C16orf95: variants seen among roughly 807,000 people sequenced by gnomAD.
C16orf95 encodes chromosome 16 open reading frame 95.
In C16orf95, 41 loss-of-function variants were observed where a neutral mutation model predicts 32.1. That is an observed-to-expected ratio of 1.28 (90% CI 1.00 to 1.66). The LOEUF (loss-of-function observed/expected upper bound fraction) is 1.66. Among genes scored for constraint, C16orf95 ranks in the 40% most tolerant of loss-of-function variants. The pLI is 0.00. For synonymous variants in C16orf95, 147 were observed against 128.9 expected, an observed-to-expected ratio of 1.14 and a Z score of -0.95; for missense variants, 399 against 325.9, an observed-to-expected ratio of 1.22 and a Z score of -1.73.
intron 5 of C16orf95, among the ~76,000 whole-genome samples, chr16:87,308,147 T>C (rs935143178): frequency 1.3e-5 from 2 of 152,150 alleles, no homozygotes; most frequent in Non-Finnish European, 2.9e-5. Flanking sequence ...AGAGTGTTTT[T>C]CTGCTAGAGC....
At chr16:87,310,258 G>T (rs1315952287) in intron 5 of C16orf95, 39 bp downstream of exon 5, 18 of 1,533,804 alleles carry the variant, frequency 1.2e-5, no homozygotes, top group Non-Finnish European at 1.6e-5. Context: ...ACCTTTCTGG[G>T]GAGGGGGATG....
At chr16:87,304,463 G>A (rs547383137) in intron 6 of C16orf95, among the ~76,000 whole-genome samples, 2 of 152,060 alleles carry the variant, frequency 1.3e-5, no homozygotes, top group East Asian at 3.9e-4. Flanking sequence ...GTACAAAGGA[G>A]TCAAACTAAA....
intron 3 of C16orf95, among the ~76,000 whole-genome samples, chr16:87,313,717 G>C (rs989992813): frequency 5.3e-5 from 8 of 152,122 alleles, no homozygotes; most frequent in Non-Finnish European, 8.8e-5. Flanking sequence ...AACAGAGTGA[G>C]GCCCGGTCTC....
At chr16:87,311,406 T>A in intron 3 of C16orf95, 110 bp from the exon 4 acceptor site, 1 of 1,192,606 alleles carries the variant, frequency 8.4e-7, no homozygotes, top group Non-Finnish European at 1.2e-6. Flanking sequence ...TGGGTCTTAG[T>A]ATCAGGGCAG....
rs774079248 is a variant in C16orf95 at position 87,311,058 on chromosome 16, G to C, written c.477+92C>G. 4.1e-6 allele frequency: 5 copies of C among 1,230,058 alleles called. No homozygotes were observed. The South Asian group carries it at 8.8e-5, about 22-fold the overall frequency. 76.2% of individuals were successfully genotyped at this position (1,230,058 alleles called of 1,614,324 possible). A position where few individuals can be genotyped will look rare whatever the true frequency, so the allele number is the denominator to read the frequency against. On this transcript the variant is annotated intron_variant, in intron 4 of 6. Coordinates refer to ENST00000567970, the MANE Select transcript of C16orf95 (RefSeq NM_001195124.3). ...AGGCCTTTGTGGGAGCAGAGCCCAG[G>C]TACCCCTCTTCCCCTTCTTCCTCCC...
intron 1 of C16orf95, 32 bp downstream of exon 1, chr16:87,317,059 G>T: frequency 6.8e-7 from 1 of 1,478,482 alleles, no homozygotes; most frequent in South Asian, 1.3e-5. Context: ...GAGGTGTCGG[G>T]TAGCCGCGGG....
chr16:87,315,304 C>G (rs1345177841), intron 2 of C16orf95, among the ~76,000 whole-genome samples: 1 of 152,184 alleles, frequency 6.6e-6, no homozygotes, highest in Non-Finnish European at 1.5e-5. Context: ...CCGGAGCTTG[C>G]AAATCAGGTG....
intron 3 of C16orf95, among the ~76,000 whole-genome samples, chr16:87,313,037 T>C (rs889962101): frequency 2.6e-5 from 4 of 152,026 alleles, no homozygotes; most frequent in Non-Finnish European, 5.9e-5. Flanking sequence ...TAAATAAACA[T>C]AGAAATGTAT....
At chr16:87,304,776 C>G (rs778395022) in intron 6 of C16orf95, among the ~76,000 whole-genome samples, 1 of 152,252 alleles carries the variant, frequency 6.6e-6, no homozygotes, top group African/African-American at 2.4e-5. Context: ...CCCGCTCCCG[C>G]TCCCAGCCGT....
At chr16:87,303,322 G>C (rs1910850884) in intron 6 of C16orf95, 1 of 523,712 alleles carries the variant, frequency 1.9e-6, no homozygotes, top group Non-Finnish European at 3.5e-6. Context: ...CTTCTGAAAA[G>C]GGATGATAAT....
In C16orf95 at chr16:87,314,636, A is replaced by C. The variant is rs184805018; in HGVS notation, c.330+335T>G. Reference sequence around the variant, plus strand: ...CCTACGGCAAGACTTACCACATTGTACATTTGACACACGTGCAGTTTATCA... The same window carrying C: ...CCTACGGCAAGACTTACCACATTGTCCATTTGACACACGTGCAGTTTATCA... On this transcript the variant is annotated intron_variant, in intron 3 of 6. Transcript: ENST00000567970. 2.0e-5 allele frequency among the ~76,000 whole-genome samples: 3 copies of C among 152,302 alleles called. No individual in the cohort carries two copies. The East Asian group carries it at 5.8e-4, about 29-fold the overall frequency.
chr16:87,306,210 G>C (rs765801879), intron 5 of C16orf95: 1 of 228,764 alleles, frequency 4.4e-6, no homozygotes, highest in Non-Finnish European at 8.4e-6. Context: ...TTTGGAGCGG[G>C]AGTGGGTGGT....
chr16:87,309,309 A>C (rs750274247), intron 5 of C16orf95, among the ~76,000 whole-genome samples: 60 of 151,564 alleles, frequency 4.0e-4, no homozygotes, highest in Non-Finnish European at 7.1e-4. Context: ...GCAAAAAAAA[A>C]CTGAAATCCA....
intron 6 of C16orf95, chr16:87,303,535 G>T (rs1044059461): frequency 3.5e-5 from 6 of 170,744 alleles, no homozygotes; most frequent in Non-Finnish European, 7.7e-5. Flanking sequence ...ATCTCACAGG[G>T]CACCCAAACA....
At chr16:87,315,271 A>C (rs1030868252) in intron 2 of C16orf95, among the ~76,000 whole-genome samples, 175 bp from the exon 3 acceptor site, 3 of 152,168 alleles carry the variant, frequency 2.0e-5, no homozygotes, top group African/African-American at 7.2e-5. Context: ...TGAGGCCTCC[A>C]AGGTCATTTG....
chr16:87,314,651 G>A (rs1904304295), intron 3 of C16orf95, among the ~76,000 whole-genome samples: 1 of 152,106 alleles, frequency 6.6e-6, no homozygotes, highest in Non-Finnish European at 1.5e-5. Context: ...TGACACACGT[G>A]CAGTTTATCA....
At chr16:87,306,688 C>T (rs922670218) in intron 5 of C16orf95, among the ~76,000 whole-genome samples, 1 of 152,248 alleles carries the variant, frequency 6.6e-6, no homozygotes, top group Admixed American at 6.5e-5. Context: ...TTTTAAATCA[C>T]TCCGTACTTG....
intron 1 of C16orf95, among the ~76,000 whole-genome samples, chr16:87,316,636 A>G (rs1234554690): frequency 6.6e-6 from 1 of 151,484 alleles, no homozygotes; most frequent in Non-Finnish European, 1.5e-5. Context: ...GCACTGCTAT[A>G]TTCCTGGTGG....
chr16:87,316,144 G>C (rs1904327928), intron 1 of C16orf95, among the ~76,000 whole-genome samples: 1 of 152,206 alleles, frequency 6.6e-6, no homozygotes, highest in African/African-American at 2.4e-5. Context: ...ATTCCAACCT[G>C]CTGAGAACTT....
Sources: gnomAD v4.1 joint callset for allele counts (sites outside exome capture counted in the v4.1 genomes callset) on GRCh38, gnomAD v4.1.1 for gene constraint, MANE v1.5 for transcripts, NCBI Gene and HGNC (gene_info 2026-07-23, HGNC 2026-07-21) for gene names.